The following CDS2 variants were observed in gnomAD, a reference collection of about 807,000 sequenced individuals.
CDS2 encodes CDP-diacylglycerol synthase 2.
Under a neutral mutation model 59.0 loss-of-function variants are expected in CDS2, and 47 were observed. That is an observed-to-expected ratio of 0.80 (90% CI 0.63 to 1.02). The LOEUF is 1.02. CDS2 is among the 50% of genes least tolerant of loss of function. The pLI, the probability that CDS2 is intolerant of heterozygous loss-of-function variation, is 0.00. For missense variants in CDS2, 356 were observed against 558.9 expected (o/e 0.64, Z 3.66); for synonymous variants, 207 against 206.4 (o/e 1.00, Z -0.02).
At chr20:5,163,197 A>G (rs2090887839) in intron 1 of CDS2, among the ~76,000 whole-genome samples, 2 of 152,324 alleles carry the variant, frequency 1.3e-5, no homozygotes, top group Middle Eastern at 3.4e-3. Context: ...TGGTTTTCAA[A>G]AAAAGATTTG....
chr20:5,179,975 C>G (rs906595666), intron 5 of CDS2, among the ~76,000 whole-genome samples: 1 of 152,134 alleles, frequency 6.6e-6, no homozygotes, highest in African/African-American at 2.4e-5. Context: ...GTGAATGACA[C>G]CTGACTATTA....
intron 1 of CDS2, among the ~76,000 whole-genome samples, chr20:5,168,099 C>A (rs2090925779): frequency 6.6e-6 from 1 of 151,984 alleles, no homozygotes. Context: ...TAGTCCAGAG[C>A]TGAGTCATTA....
At position 5,184,805 on chromosome 20, in the gene CDS2, T is replaced by G; in HGVS notation, c.672-53T>G. The G allele has an allele frequency of 7.6e-7, 1 of 1,323,192 alleles. No homozygotes were observed. The highest frequency in any genetic ancestry group is 1.2e-5 in the South Asian group (1 of 84,920). The allele number at this position is 1,323,192 out of a possible 1,614,324, so 82.0% of individuals were successfully genotyped here. ...TAAGAATGGCACTATTTTGTGTACT[T>G]TTGAGGTACTGTCACCTTGCTTGAG... On this transcript the variant is annotated intron_variant, in intron 7 of 12. Coordinates refer to ENST00000460006, the MANE Select transcript of CDS2 (RefSeq NM_003818.4). The surrounding 1 kb of genome is among the most constrained non-coding windows in gnomAD (Gnocchi z 4.3).
chr20:5,144,745 T>C (rs1010692036), intron 1 of CDS2, among the ~76,000 whole-genome samples: 2 of 152,240 alleles, frequency 1.3e-5, no homozygotes, highest in Non-Finnish European at 2.9e-5. Flanking sequence ...GAGGATTACA[T>C]GCATTCTGTG....
rs57378947 is a variant in CDS2, at chr20:5,151,750, C to CTTT, written c.58-21744_58-21742dup. On this transcript the variant is annotated intron_variant, in intron 1 of 12. Coordinates refer to ENST00000460006, the MANE Select transcript of CDS2 (RefSeq NM_003818.4). ...ACCATGCCTGGCCTAGACTCCATGT[C>CTTT]TTTTTTTTTTTTTTTTTTTTTTTTT... Among the ~76,000 whole-genome samples the CTTT allele has an allele frequency of 6.2e-3, 329 of 53,172 alleles. 42 individuals are homozygous for CTTT. Among genetic ancestry groups the CTTT allele is most frequent in the Middle Eastern group, 0.017 (1 of 58 alleles). The allele number at this position is 53,172 out of a possible 152,430, so 34.9% of individuals were successfully genotyped here.
intron 1 of CDS2, among the ~76,000 whole-genome samples, chr20:5,130,311 T>G (rs1167180660): frequency 6.6e-6 from 1 of 152,204 alleles, no homozygotes; most frequent in Non-Finnish European, 1.5e-5. Context: ...TTTATTCTGT[T>G]TCATAGTTTG....
At chr20:5,154,522 G>T (rs1455267372) in intron 1 of CDS2, among the ~76,000 whole-genome samples, 1 of 152,206 alleles carries the variant, frequency 6.6e-6, no homozygotes, top group Non-Finnish European at 1.5e-5. Flanking sequence ...ATTTCAGGTG[G>T]TAGTGATGTT....
chr20:5,157,124 A>G (rs1425841433), intron 1 of CDS2, among the ~76,000 whole-genome samples: 1 of 152,190 alleles, frequency 6.6e-6, no homozygotes, highest in Non-Finnish European at 1.5e-5. Context: ...GAATGGTGGT[A>G]CGCAAAGCAA....
intron 1 of CDS2, among the ~76,000 whole-genome samples, chr20:5,157,229 T>C (rs1786069050): frequency 6.6e-6 from 1 of 152,162 alleles, no homozygotes; most frequent in Admixed American, 6.5e-5. Context: ...GAAACGGTTT[T>C]CTGACACAGT....
chr20:5,175,114 G>T, intron 2 of CDS2, 69 bp from the exon 3 acceptor site: 1 of 1,108,582 alleles, frequency 9.0e-7, no homozygotes, highest in Middle Eastern at 2.0e-4. Context: ...CATATCCCTT[G>T]AGTTTGTGCA....
intron 5 of CDS2, among the ~76,000 whole-genome samples, chr20:5,180,116 A>G (rs2091022852): frequency 6.6e-6 from 1 of 152,210 alleles, no homozygotes; most frequent in African/African-American, 2.4e-5. Context: ...TCTGGGCAGA[A>G]CTGCTTTTGA....
At chr20:5,143,409 T>C (rs2090711588) in intron 1 of CDS2, among the ~76,000 whole-genome samples, 1 of 152,140 alleles carries the variant, frequency 6.6e-6, no homozygotes, top group African/African-American at 2.4e-5. Context: ...TACACAGACT[T>C]TGTGACCAAG....
chr20:5,169,655 G>A (rs1464989313), intron 1 of CDS2, among the ~76,000 whole-genome samples: 1 of 152,172 alleles, frequency 6.6e-6, no homozygotes, highest in Non-Finnish European at 1.5e-5. Flanking sequence ...TCTTGATAAT[G>A]CCCATTACAA....
chr20:5,152,360 T>G (rs1460656447), intron 1 of CDS2, among the ~76,000 whole-genome samples: 2 of 152,190 alleles, frequency 1.3e-5, no homozygotes, highest in Non-Finnish European at 2.9e-5. Flanking sequence ...TCCTATGGTT[T>G]TTGTTTCAAA....
In CDS2 at chr20:5,191,184, G is replaced by A. The variant is rs2091111930; in HGVS notation, c.*950G>A. Reference sequence around the variant, plus strand: ...TATATTACTCTTAAGAGGAGTGTGTGTGTCTGTGTTTGTTTTAAAAGTCAC... The same window carrying A: ...TATATTACTCTTAAGAGGAGTGTGTATGTCTGTGTTTGTTTTAAAAGTCAC... On this transcript the variant is annotated 3_prime_UTR_variant, in exon 13 of 13. Coordinates refer to ENST00000460006, the MANE Select transcript of CDS2 (RefSeq NM_003818.4). 1 of 152,606 alleles carries A rather than the reference G, an allele frequency of 6.6e-6. No individual in the cohort carries two copies. The allele number at this position is 152,606 out of a possible 1,614,324, so 9.5% of individuals were successfully genotyped here. A position where few individuals can be genotyped will look rare whatever the true frequency, so the allele number is the denominator to read the frequency against.
chr20:5,148,792 C>T (rs1406064793), intron 1 of CDS2, among the ~76,000 whole-genome samples: 1 of 152,222 alleles, frequency 6.6e-6, no homozygotes, highest in Non-Finnish European at 1.5e-5. Context: ...TGTTTTCTCA[C>T]AGGGATGTCA....
At chr20:5,142,048 C>G in intron 1 of CDS2, among the ~76,000 whole-genome samples, 1 of 152,224 alleles carries the variant, frequency 6.6e-6, no homozygotes, top group East Asian at 1.9e-4. Flanking sequence ...TGCTGGTTCA[C>G]TTGTGCCTGT....
intron 8 of CDS2, 30 bp from the exon 9 acceptor site, chr20:5,185,728 C>G: frequency 6.2e-7 from 1 of 1,604,274 alleles, no homozygotes; most frequent in Non-Finnish European, 8.5e-7. Context: ...TCAAAACACC[C>G]TTTGCTGAGA....
intron 1 of CDS2, among the ~76,000 whole-genome samples, chr20:5,140,293 T>G (rs2090683411): frequency 6.6e-6 from 1 of 152,218 alleles, no homozygotes; most frequent in South Asian, 2.1e-4. Flanking sequence ...GTGCCTTTGT[T>G]TGGAACTGCT....
Sources: gnomAD v4.1 joint callset for allele counts (sites outside exome capture counted in the v4.1 genomes callset) on GRCh38, gnomAD v4.1.1 for gene constraint, Gnocchi (gnomAD v3.1) non-coding constraint, MANE v1.5 for transcripts, NCBI Gene and HGNC (gene_info 2026-07-23, HGNC 2026-07-21) for gene names.